TDRP: variants seen among roughly 807,000 people sequenced by gnomAD.
TDRP encodes testis development-related protein.
A neutral mutation model predicts 10.5 loss-of-function variants in TDRP; 12 were observed. The observed-to-expected ratio is 1.15, with a 90% CI of 0.73 to 1.86. The LOEUF is 1.86. Among genes scored for constraint, TDRP ranks in the 40% most tolerant of loss-of-function variants. The pLI is 0.00. For synonymous variants in TDRP, 139 were observed against 95.4 expected (o/e 1.46, Z -2.67); for missense variants, 353 against 229.2 (o/e 1.54, Z -3.49).
chr8:498,736 A>C lies in TDRP; in HGVS notation c.109-4139T>G, dbSNP rs563324807. 1.2e-3 allele frequency among the ~76,000 whole-genome samples: 183 copies of C among 152,214 alleles called. 1 individual carries two copies. The highest frequency in any genetic ancestry group is 4.3e-3 in the African/African-American group (177 of 41,548). Reference sequence around the variant, plus strand: ...TGGTTTGTCTCTGTGTCCCCACCCAAATTTTGTGTCAAACTATAATCCCCA... The same window carrying C: ...TGGTTTGTCTCTGTGTCCCCACCCACATTTTGTGTCAAACTATAATCCCCA... On this transcript the variant is annotated intron_variant, in intron 1 of 2. Transcript: ENST00000324079.
At chr8:505,697 G>T (rs2116757118) in intron 1 of TDRP, among the ~76,000 whole-genome samples, 1 of 152,308 alleles carries the variant, frequency 6.6e-6, no homozygotes, top group South Asian at 2.1e-4. Context: ...TTTAGATTGA[G>T]AACTGTAAGA....
chr8:522,082 T>C (rs1175929061), intron 1 of TDRP, among the ~76,000 whole-genome samples: 1 of 152,200 alleles, frequency 6.6e-6, no homozygotes, highest in East Asian at 1.9e-4. Context: ...CTTGCTGAAT[T>C]TGTTCATGAG....
upstream of TDRP, among the ~76,000 whole-genome samples, chr8:545,424 C>G (rs1482510547): frequency 1.3e-5 from 2 of 149,292 alleles, no homozygotes; most frequent in Non-Finnish European, 3.0e-5. Flanking sequence ...CCCGCCGACC[C>G]CCACTTACTC....
At chr8:513,498 T>C (rs1801672671) in intron 1 of TDRP, among the ~76,000 whole-genome samples, 1 of 152,142 alleles carries the variant, frequency 6.6e-6, no homozygotes, top group Admixed American at 6.5e-5. Context: ...AAGAAGGGAA[T>C]TTCCTCAACC....
intron 1 of TDRP, among the ~76,000 whole-genome samples, chr8:511,681 T>C (rs1801622887): frequency 6.6e-6 from 1 of 152,200 alleles, no homozygotes; most frequent in Admixed American, 6.5e-5. Flanking sequence ...TCAGGACAGA[T>C]CATATGCTAG....
intron 2 of TDRP, among the ~76,000 whole-genome samples, chr8:493,933 A>C (rs1801053770): frequency 6.6e-6 from 1 of 150,746 alleles, no homozygotes; most frequent in Non-Finnish European, 1.5e-5. Flanking sequence ...GACCCTCAGG[A>C]CCTTTTATCC....
At chr8:538,840 A>G (rs1802416421) in intron 1 of TDRP, among the ~76,000 whole-genome samples, 1 of 152,200 alleles carries the variant, frequency 6.6e-6, no homozygotes, top group Non-Finnish European at 1.5e-5. Context: ...CAGATCTAAA[A>G]TCTTGAAGAC....
intron 1 of TDRP, among the ~76,000 whole-genome samples, chr8:533,018 C>G (rs1032634715): frequency 6.6e-6 from 1 of 152,170 alleles, no homozygotes; most frequent in African/African-American, 2.4e-5. Context: ...GAGAGAGGAA[C>G]TCATTTGCCC....
intron 1 of TDRP, among the ~76,000 whole-genome samples, chr8:500,975 G>A (rs1801276166): frequency 6.6e-6 from 1 of 152,288 alleles, no homozygotes; most frequent in African/African-American, 2.4e-5. Flanking sequence ...GGGAGGCCAA[G>A]GTGGGTGGAT....
intron 1 of TDRP, among the ~76,000 whole-genome samples, chr8:506,753 C>G (rs1801476458): frequency 6.6e-6 from 1 of 152,194 alleles, no homozygotes; most frequent in African/African-American, 2.4e-5. Flanking sequence ...GGTGGAGAAG[C>G]AGGACATAAA....
At chr8:538,194 G>C (rs1284295670) in intron 1 of TDRP, among the ~76,000 whole-genome samples, 2 of 152,218 alleles carry the variant, frequency 1.3e-5, no homozygotes, top group Non-Finnish European at 2.9e-5. Flanking sequence ...GGGATGGGAA[G>C]TGACCAAGAG....
chr8:514,758 T>C lies in TDRP; in HGVS notation c.109-20161A>G, dbSNP rs192313564. Among the ~76,000 whole-genome samples, 32 of 152,104 alleles carry C rather than the reference T, an allele frequency of 2.1e-4. No individual in the cohort carries two copies. In the South Asian group the frequency reaches 3.1e-3, roughly 15 times the overall value. On this transcript the variant is annotated intron_variant, in intron 1 of 2. Transcript: ENST00000324079. The stretch of plus-strand genomic sequence containing the variant: ...TGTCTATTTTTGCATTCCAGCTCTA[T>C]AGGGGAAGGCCCACCCGAGAAGCAA...
At chr8:514,808 G>C (rs1801713830) in intron 1 of TDRP, among the ~76,000 whole-genome samples, 1 of 152,042 alleles carries the variant, frequency 6.6e-6, no homozygotes, top group Non-Finnish European at 1.5e-5. Context: ...GAGTGTGCCA[G>C]TTTACCACCT....
chr8:536,899 A>C (rs73175069), intron 1 of TDRP, among the ~76,000 whole-genome samples: 2,072 of 152,228 alleles, frequency 0.014, 32 homozygotes, highest in Non-Finnish European at 0.022. Context: ...CCTCTCAAGT[A>C]ATCACCCACA....
At chr8:527,620 A>AT (rs1802067385) in intron 1 of TDRP, among the ~76,000 whole-genome samples, 1 of 152,150 alleles carries the variant, frequency 6.6e-6, no homozygotes, top group Non-Finnish European at 1.5e-5. Context: ...CAGTGAAGTC[A>AT]TTTTTTACAA....
Position 501,255 on chromosome 8 carries a change from C to T in TDRP, c.109-6658G>A, listed in dbSNP as rs554914424. The stretch of plus-strand genomic sequence containing the variant: ...CATGAGCGTAATGCTCGGGTCAGCT[C>T]ACTGCATGCCACATAACCTGCACCT... On this transcript the variant is annotated intron_variant, in intron 1 of 2. Transcript: ENST00000324079. Among the ~76,000 whole-genome samples the T allele has an allele frequency of 3.3e-5, 5 of 152,254 alleles. No individual in the cohort carries two copies. In the East Asian group the frequency reaches 9.7e-4, roughly 30 times the overall value.
chr8:525,796 A>G (rs112962553), intron 1 of TDRP, among the ~76,000 whole-genome samples: 1 of 152,342 alleles, frequency 6.6e-6, no homozygotes, highest in African/African-American at 2.4e-5. Context: ...ACAAGTAAGA[A>G]AATGGCAGGA....
intron 1 of TDRP, among the ~76,000 whole-genome samples, chr8:518,995 T>G (rs2116813719): frequency 6.6e-6 from 1 of 152,254 alleles, no homozygotes; most frequent in East Asian, 1.9e-4. Flanking sequence ...ATGGAGTCTG[T>G]CACCAGAAAT....
chr8:533,842 G>A lies in TDRP; in HGVS notation c.108+10808C>T, dbSNP rs542346821. Among the ~76,000 whole-genome samples, 7 of 152,200 alleles carry A rather than the reference G, an allele frequency of 4.6e-5. No homozygotes were observed. In the South Asian group the frequency reaches 6.2e-4, roughly 14 times the overall value. On this transcript the variant is annotated intron_variant, in intron 1 of 2. Transcript: ENST00000324079. ...TTCTCTTTCCTCGCAATGTTCTAGC[G>A]CTTCTCACTTGCTAATTTACCGAGA... is the stretch of plus-strand genomic sequence containing the variant.
Sources: gnomAD v4.1 joint callset for allele counts (sites outside exome capture counted in the v4.1 genomes callset) on GRCh38, gnomAD v4.1.1 for gene constraint, MANE v1.5 for transcripts, NCBI Gene and HGNC (gene_info 2026-07-23, HGNC 2026-07-21) for gene names.